The following ARHGEF9 variants were observed in gnomAD, a reference collection of about 807,000 sequenced individuals.
ARHGEF9 encodes rho guanine nucleotide exchange factor 9.
ARHGEF9 carries 2 observed loss-of-function variants against 41.3 expected under a neutral mutation model. That is an observed-to-expected ratio of 0.05 (90% CI 0.02 to 0.15). The LOEUF (loss-of-function observed/expected upper bound fraction) is 0.15, where lower values mean the gene tolerates loss of function less well. Ranked by LOEUF, ARHGEF9 falls within the 10% of genes least tolerant of loss-of-function variation. The pLI is 1.00. For missense variants in ARHGEF9, 225 were observed against 424.7 expected, an observed-to-expected ratio of 0.53 and a Z score of 4.13; for synonymous variants, 160 against 154.4, an observed-to-expected ratio of 1.04 and a Z score of -0.27.
chrX:63,752,117 C>A (rs2055680926), intron 1 of ARHGEF9, among the ~76,000 whole-genome samples: 1 of 111,374 alleles, frequency 9.0e-6, no homozygotes, highest in Non-Finnish European at 1.9e-5. Context: ...GGCTGTAGTA[C>A]CAGATATCCT....
chrX:63,754,874 A>T (rs2055868011), intron 1 of ARHGEF9: 3 of 937,056 alleles, frequency 3.2e-6, no homozygotes, highest in South Asian at 1.2e-4. Context: ...CTCGGGCGCC[A>T]CGGGAAAGGC....
intron 6 of ARHGEF9, among the ~76,000 whole-genome samples, chrX:63,671,719 G>A (rs1316660267): frequency 1.8e-5 from 2 of 112,407 alleles, no homozygotes; most frequent in Non-Finnish European, 3.8e-5. Context: ...GTGTACATGT[G>A]CATATGTGCA....
intron 1 of ARHGEF9, among the ~76,000 whole-genome samples, chrX:63,753,427 T>C (rs1411623938): frequency 2.7e-5 from 3 of 112,023 alleles, no homozygotes; most frequent in African/African-American, 9.7e-5. Flanking sequence ...CCTTATCAAG[T>C]TACATTTAAA....
chrX:63,722,791 G>A (rs1228020129), intron 2 of ARHGEF9: 2 of 111,906 alleles, frequency 1.8e-5, no homozygotes, highest in African/African-American at 6.5e-5. Context: ...CCTCACATTA[G>A]TCCTGAAGGT....
intron 1 of ARHGEF9, among the ~76,000 whole-genome samples, chrX:63,759,873 G>A (rs1556448940): frequency 8.9e-6 from 1 of 111,838 alleles, no homozygotes; most frequent in Non-Finnish European, 1.9e-5. Flanking sequence ...GTAAGATATG[G>A]AGCGCAGATG....
rs1488430648 is a variant in ARHGEF9, at chrX:63,785,161, C to T, written c.-16G>A. The stretch of plus-strand genomic sequence containing the variant: ...TCCACTGCATGGTGCTTGCGAAGTC[C>T]GGCTTCTCTGAGGCCCCGTAGCTGG... On this transcript the variant is annotated 5_prime_UTR_variant, in exon 1 of 10. Transcript: ENST00000671741. 7.7e-6 allele frequency: 9 copies of T among 1,161,806 alleles called. No homozygotes were observed. The highest frequency in any genetic ancestry group is 1.0e-5 in the Non-Finnish European group (9 of 870,458).
At chrX:63,716,950 T>C (rs1340473637) in intron 2 of ARHGEF9, among the ~76,000 whole-genome samples, 1 of 112,312 alleles carries the variant, frequency 8.9e-6, no homozygotes, top group Non-Finnish European at 1.9e-5. Flanking sequence ...TTATTAAATG[T>C]ACGCTTAACA....
chrX:63,704,401 A>G (rs2147495959), intron 3 of ARHGEF9, among the ~76,000 whole-genome samples: 1 of 111,954 alleles, frequency 8.9e-6, no homozygotes, highest in Admixed American at 9.4e-5. Flanking sequence ...AAAGTACGAC[A>G]CTTTGAGGCT....
chrX:63,773,155 C>A (rs1442308367), intron 1 of ARHGEF9, among the ~76,000 whole-genome samples: 1 of 112,134 alleles, frequency 8.9e-6, no homozygotes, highest in Non-Finnish European at 1.9e-5. Context: ...TTCTAACACA[C>A]ATACACACAA....
intron 2 of ARHGEF9, among the ~76,000 whole-genome samples, chrX:63,720,061 C>T (rs2053550041): frequency 9.0e-6 from 1 of 111,365 alleles, no homozygotes; most frequent in Non-Finnish European, 1.9e-5. Flanking sequence ...CAGATGCATG[C>T]TCAGAAAAAA....
intron 6 of ARHGEF9, among the ~76,000 whole-genome samples, chrX:63,672,864 T>C (rs1329928747): frequency 8.9e-6 from 1 of 111,988 alleles, no homozygotes; most frequent in African/African-American, 3.3e-5. Flanking sequence ...GCCAAAGCAA[T>C]GCCAACACAA....
chrX:63,735,006 C>G (rs1201856654), intron 1 of ARHGEF9, among the ~76,000 whole-genome samples: 1 of 111,098 alleles, frequency 9.0e-6, no homozygotes, highest in Non-Finnish European at 1.9e-5. Flanking sequence ...TCTGTTGAGC[C>G]AGCGTGGGTC....
intron 3 of ARHGEF9, among the ~76,000 whole-genome samples, chrX:63,705,880 C>A (rs1488689920): frequency 1.8e-5 from 2 of 111,313 alleles, no homozygotes; most frequent in Non-Finnish European, 3.8e-5. Context: ...ACTGGCTTGG[C>A]GGGAGATGCA....
intron 1 of ARHGEF9, among the ~76,000 whole-genome samples, chrX:63,765,645 T>C (rs2056101395): frequency 9.0e-6 from 1 of 111,724 alleles, no homozygotes; most frequent in Non-Finnish European, 1.9e-5. Flanking sequence ...CTGCTCTTAC[T>C]GCTTCATGGA....
intron 1 of ARHGEF9, chrX:63,767,477 T>C (rs782351935): frequency 3.2e-5 from 9 of 279,662 alleles, no homozygotes; most frequent in Non-Finnish European, 4.6e-5. Context: ...CCAAGCCCCT[T>C]GGACACTGCA....
At chrX:63,774,315 A>T (rs1281065012) in intron 1 of ARHGEF9, among the ~76,000 whole-genome samples, 1 of 111,403 alleles carries the variant, frequency 9.0e-6, no homozygotes, top group Non-Finnish European at 1.9e-5. Context: ...TCTACAACAG[A>T]CATTCATTTC....
Position 63,635,017 on chromosome X carries a change from G to A in ARHGEF9, c.*3011C>T, listed in dbSNP as rs1602134429. ...TCCATAAATATTTTCATAAGGCTTT[G>A]TGTCATTACAACATTTTTTTTGTTA... On this transcript the variant is annotated 3_prime_UTR_variant, in exon 10 of 10. Coordinates refer to ENST00000671741, the MANE Select transcript of ARHGEF9 (RefSeq NM_001353921.2). 2 of 247,614 alleles carry A rather than the reference G, an allele frequency of 8.1e-6. No individual in the cohort carries two copies. The highest frequency in any genetic ancestry group is 1.4e-5 in the Non-Finnish European group (2 of 142,016). 20.4% of individuals were successfully genotyped at this position (247,614 alleles called of 1,213,427 possible).
chrX:63,656,181 A>T (rs2048866639), intron 7 of ARHGEF9, among the ~76,000 whole-genome samples: 1 of 111,338 alleles, frequency 9.0e-6, no homozygotes, highest in Admixed American at 9.6e-5. Flanking sequence ...TAGTAAGAGT[A>T]GCTAGGAGGC....
chrX:63,728,406 C>G (rs781965947), intron 1 of ARHGEF9, among the ~76,000 whole-genome samples: 5 of 112,055 alleles, frequency 4.5e-5, no homozygotes, highest in Non-Finnish European at 9.4e-5. Flanking sequence ...CAGGTACCAA[C>G]AATGCATATC....
Sources: allele counts gnomAD v4.1 joint callset (sites outside exome capture counted in the v4.1 genomes callset), GRCh38; gene constraint gnomAD v4.1.1; transcripts MANE v1.5; gene names NCBI Gene and HGNC (gene_info 2026-07-23, HGNC 2026-07-21).